The following CYP26B1 variants were observed in gnomAD, a reference collection of about 807,000 sequenced individuals.
CYP26B1 encodes cytochrome P450 family 26 subfamily B member 1.
Under a neutral mutation model 39.1 loss-of-function variants are expected in CYP26B1, and 8 were observed. The ratio of observed to expected loss-of-function variants is 0.20; its 90% CI spans 0.12 to 0.37. The LOEUF is 0.37. Ranked by LOEUF, CYP26B1 falls within the 10% of genes least tolerant of loss-of-function variation. The probability of loss-of-function intolerance (pLI) is 1.00; values close to 1 mark genes in which losing one functional copy is unlikely to be tolerated. For synonymous variants in CYP26B1, 321 were observed against 314.3 expected (o/e 1.02, Z -0.23); for missense variants, 615 against 707.0 (o/e 0.87, Z 1.48).
At chr2:72,145,728 C>G (rs1033507834) in intron 1 of CYP26B1, among the ~76,000 whole-genome samples, 16 of 152,322 alleles carry the variant, frequency 1.1e-4, no homozygotes, top group Admixed American at 2.6e-4. Flanking sequence ...TCTGATCTGC[C>G]TAACTATAAT....
intron 4 of CYP26B1, among the ~76,000 whole-genome samples, chr2:72,133,535 C>A (rs1676664358): frequency 6.6e-6 from 1 of 152,236 alleles, no homozygotes; most frequent in Non-Finnish European, 1.5e-5. Flanking sequence ...ACTGCTGTGA[C>A]CGAGGGCAGA....
Position 72,147,822 on chromosome 2 carries a change from C to T in CYP26B1, c.13G>A (p.Gly5Ser), listed in dbSNP as rs1475382144. 1 of 1,534,522 alleles carries T rather than the reference C, an allele frequency of 6.5e-7. No homozygotes were observed. Among genetic ancestry groups the T allele is most frequent in the Admixed American group, 2.0e-5 (1 of 50,298 alleles). The change falls in exon 1 of 6, where the codon GGC becomes AGC. Residue 5 changes from glycine (G) to serine (S), a missense_variant. By Grantham distance (56) the Gly-to-Ser change is moderately conservative. Coordinates refer to ENST00000001146, the MANE Select transcript of CYP26B1 (RefSeq NM_019885.4). The surrounding 1 kb of genome is among the most constrained non-coding windows in gnomAD (Gnocchi z 6.1). ...GCCAGCGCCGACACCAGATCCAAGC[C>T]CTCAAAGAGCATGTTGGCGGCCGCT... The part of the protein sequence containing the change: MLFE[G>S]LDLVSALATL...
chr2:72,135,536 C>A (rs533621986), intron 2 of CYP26B1, 117 bp from the exon 3 acceptor site: 2 of 1,466,950 alleles, frequency 1.4e-6, no homozygotes, highest in African/African-American at 2.8e-5. Context: ...CACACAACAG[C>A]AAAGCCTTGG....
chr2:72,146,321 T>A (rs1677122043), intron 1 of CYP26B1, among the ~76,000 whole-genome samples: 1 of 86,490 alleles, frequency 1.2e-5, no homozygotes, highest in Non-Finnish European at 2.2e-5. Flanking sequence ...ACACTTTAAG[T>A]GTGGTGGCGA....
At position 72,133,164 on chromosome 2, in the gene CYP26B1, G is replaced by A. The variant is rs148988710; in HGVS notation, c.1005C>T (p.Gly335=). The change falls in exon 5 of 6, where the codon GGC becomes GGT. Residue 335 remains glycine (G), a synonymous_variant. Transcript: ENST00000001146. ...GCAGTGTGCCCTCGCAGGGGCAGCC[G>A]CCACTGTGCAGGATGCCATGAGCCC... The part of the protein sequence containing the change: ...ELRAHGILHS[G]GCPCEGTLRL... 1,206 of 1,612,464 alleles carry A rather than the reference G, an allele frequency of 7.5e-4. 1 individual carries two copies. The highest frequency in any genetic ancestry group is 9.5e-4 in the Non-Finnish European group (1,125 of 1,179,548).
intron 2 of CYP26B1, among the ~76,000 whole-genome samples, chr2:72,136,396 A>C (rs1676777901): frequency 6.6e-6 from 1 of 152,236 alleles, no homozygotes; most frequent in South Asian, 2.1e-4. Flanking sequence ...TTTCCCCTGC[A>C]GTCAGCTCGG....
At position 72,131,894 on chromosome 2, in the gene CYP26B1, A is replaced by C; in HGVS notation, c.*333T>G. The C allele has an allele frequency of 1.6e-5, 5 of 319,016 alleles. No homozygotes were observed. Among genetic ancestry groups the C allele is most frequent in the East Asian group, 7.0e-5 (1 of 14,302 alleles). The allele number at this position is 319,016 out of a possible 1,614,324, so 19.8% of individuals were successfully genotyped here. On this transcript the variant is annotated 3_prime_UTR_variant, in exon 6 of 6. Coordinates refer to ENST00000001146, the MANE Select transcript of CYP26B1 (RefSeq NM_019885.4). ...AAAGGGTCCGAAAGGAACGGAGGGA[A>C]GGGAGCAGTTCAGAACATCACAAAA...
Position 72,132,508 on chromosome 2 carries a change from C to T in CYP26B1, c.1258G>A (p.Ala420Thr), listed in dbSNP as rs1331887504. Reference sequence around the variant, plus strand: ...CGGCCATCCTTGTCCTCGCTCCGCGCCTGGCTGAAGCGATCGGGGTCGAAC... The same window carrying T: ...CGGCCATCCTTGTCCTCGCTCCGCGTCTGGCTGAAGCGATCGGGGTCGAAC... ...NVFDPDRFSQ[A>T]RSEDKDGRFH... The change falls in exon 6 of 6, where the codon GCG (alanine) becomes ACG (threonine). Residue 420 changes from alanine (A) to threonine (T), a missense_variant. Physicochemically the swap from Ala to Thr is moderately conservative, Grantham distance 58. Coordinates refer to ENST00000001146, the MANE Select transcript of CYP26B1 (RefSeq NM_019885.4). 8.7e-6 allele frequency: 14 copies of T among 1,612,180 alleles called. No homozygotes were observed. Among genetic ancestry groups the T allele is most frequent in the Non-Finnish European group, 1.1e-5 (13 of 1,178,956 alleles).
chr2:72,135,319 T>C lies in CYP26B1; in HGVS notation c.530A>G (p.Glu177Gly). The change falls in exon 3 of 6, where the codon GAG (glutamate) becomes GGG (glycine). Residue 177 changes from glutamate to glycine, a missense_variant. By Grantham distance (98) the Glu-to-Gly change is moderately conservative. Coordinates refer to ENST00000001146, the MANE Select transcript of CYP26B1 (RefSeq NM_019885.4). Reference protein sequence around the residue: ...DTLRAWSSHPEAINVYQEAQK... With the variant: ...DTLRAWSSHPGAINVYQEAQK... ...CGCCTCCTGGTACACGTTGATGGCC[T>C]CGGGGTGGCTGCTCCAGGCGCGCAG... The C allele has an allele frequency of 6.2e-7, 1 of 1,614,034 alleles. No individual in the cohort carries two copies. The highest frequency in any genetic ancestry group is 8.5e-7 in the Non-Finnish European group (1 of 1,180,020).
Position 72,147,330 on chromosome 2 carries a change from G to T in CYP26B1, c.204+301C>A, listed in dbSNP as rs1363977757. 6.6e-6 allele frequency among the ~76,000 whole-genome samples: 1 copy of T among 152,168 alleles called. No homozygotes were observed. The highest frequency in any genetic ancestry group is 1.5e-5 in the Non-Finnish European group (1 of 68,014). On this transcript the variant is annotated intron_variant, in intron 1 of 5. Coordinates refer to ENST00000001146, the MANE Select transcript of CYP26B1 (RefSeq NM_019885.4). The surrounding 1 kb of genome is among the most constrained non-coding windows in gnomAD (Gnocchi z 6.1). ...ACCGCGCCTCGCTAGGCGCCCCCGG[G>T]GCGCTCCACGCCCCCTGCCAGGCCA...
At chr2:72,144,620 G>C (rs1572931182) in intron 1 of CYP26B1, 1 of 413,322 alleles carries the variant, frequency 2.4e-6, no homozygotes, top group Non-Finnish European at 3.2e-6. Flanking sequence ...CCCGCGGGGT[G>C]GCCGCAGGCC....
chr2:72,134,962 T>C, intron 3 of CYP26B1, 46 bp from the exon 4 acceptor site: 1 of 1,609,782 alleles, frequency 6.2e-7, no homozygotes, highest in Non-Finnish European at 8.5e-7. Context: ...CAGGCTCCCA[T>C]CTGAGCCTCG....
At chr2:72,132,990 C>G in intron 5 of CYP26B1, 33 bp downstream of exon 5, 1 of 1,612,864 alleles carries the variant, frequency 6.2e-7, no homozygotes, top group Non-Finnish European at 8.5e-7. Flanking sequence ...CCCTGCTCCC[C>G]CATCGCCCCC....
rs763372375 is a variant in CYP26B1, at chr2:72,147,582, G to C, written c.204+49C>G. On this transcript the variant is annotated intron_variant, in intron 1 of 5. Transcript: ENST00000001146. The surrounding 1 kb of genome is among the most constrained non-coding windows in gnomAD (Gnocchi z 6.1). ...CGGCCCGCCGCTCCGTCTGCCCCGC[G>C]CTCGCAGCTAGCGGACCCCGGAGTG... 2 of 1,547,846 alleles carry C rather than the reference G, an allele frequency of 1.3e-6. No individual in the cohort carries two copies. The highest frequency in any genetic ancestry group is 2.4e-5 in the South Asian group (2 of 83,738).
At chr2:72,134,650 T>C (rs1412312979) in intron 4 of CYP26B1, 111 bp downstream of exon 4, 8 of 1,492,824 alleles carry the variant, frequency 5.4e-6, no homozygotes, top group Non-Finnish European at 7.2e-6. Flanking sequence ...AAAGCATGTG[T>C]GGGGCCAGAC....
chr2:72,135,615 G>T (rs569137810), intron 2 of CYP26B1, among the ~76,000 whole-genome samples, 196 bp from the exon 3 acceptor site: 1 of 152,216 alleles, frequency 6.6e-6, no homozygotes, highest in South Asian at 2.1e-4. Context: ...AGTGGGGGCT[G>T]GGCAGGGCCA....
At chr2:72,132,819 T>G (rs1228908255) in intron 5 of CYP26B1, among the ~76,000 whole-genome samples, 200 bp from the exon 6 acceptor site, 1 of 152,238 alleles carries the variant, frequency 6.6e-6, no homozygotes, top group Non-Finnish European at 1.5e-5. Context: ...GATGTGCACA[T>G]GTGACTTCAC....
intron 2 of CYP26B1, 49 bp from the exon 3 acceptor site, chr2:72,135,468 C>G: frequency 6.3e-7 from 1 of 1,599,168 alleles, no homozygotes; most frequent in Non-Finnish European, 8.5e-7. Context: ...CAGCCCACCC[C>G]TGGCCAGCCC....
chr2:72,136,355 A>G (rs994872907), intron 2 of CYP26B1, among the ~76,000 whole-genome samples: 2 of 152,038 alleles, frequency 1.3e-5, no homozygotes, highest in African/African-American at 4.8e-5. Context: ...CCCCCCAAAC[A>G]CAACCACCGC....
Sources: gnomAD v4.1 joint callset for allele counts (sites outside exome capture counted in the v4.1 genomes callset) on GRCh38, gnomAD v4.1.1 for gene constraint, Gnocchi (gnomAD v3.1) non-coding constraint, MANE v1.5 for transcripts, NCBI Gene and HGNC (gene_info 2026-07-23, HGNC 2026-07-21) for gene names.